The following NCAM2 variants were observed in gnomAD, a reference collection of about 807,000 sequenced individuals.
NCAM2 encodes neural cell adhesion molecule 2, also known as N-CAM-2.
In NCAM2, 30 loss-of-function variants were observed where a neutral mutation model predicts 98.1. That is an observed-to-expected ratio of 0.31 (90% CI 0.23 to 0.41). The LOEUF (loss-of-function observed/expected upper bound fraction) is 0.41, where lower values mean the gene tolerates loss of function less well. NCAM2 is among the 10% of genes least tolerant of loss of function. NCAM2 has a pLI of 1.00. For missense variants in NCAM2, 867 were observed against 1,005.8 expected, an observed-to-expected ratio of 0.86 and a Z score of 1.87; for synonymous variants, 368 against 342.4, an observed-to-expected ratio of 1.07 and a Z score of -0.83.
chr21:21,124,375 G>T lies in NCAM2; in HGVS notation c.55+125757G>T, dbSNP rs1261667577. Among the ~76,000 whole-genome samples, 3 of 152,060 alleles carry T rather than the reference G, an allele frequency of 2.0e-5. No individual in the cohort carries two copies. In the East Asian group the frequency reaches 5.8e-4, roughly 29 times the overall value. On this transcript the variant is annotated intron_variant, in intron 1 of 17. Coordinates refer to ENST00000400546, the MANE Select transcript of NCAM2 (RefSeq NM_004540.5). ...GCAATGATCACACAACTTGAGTTTT[G>T]CCTGTTTAACATAACAAAGAAATAT...
rs540591837 is a variant in NCAM2 at position 21,252,521 on chromosome 21, C to A, written c.56-28057C>A. Among the ~76,000 whole-genome samples the A allele has an allele frequency of 2.0e-5, 3 of 151,778 alleles. No homozygotes were observed. The South Asian group carries it at 6.2e-4, about 32-fold the overall frequency. On this transcript the variant is annotated intron_variant, in intron 1 of 17. Transcript: ENST00000400546. ...ATCAATTATAGAATATGCCAAAGCA[C>A]CTGAGAGCTACGAAAGAAAATTTTT...
intron 1 of NCAM2, among the ~76,000 whole-genome samples, chr21:21,178,676 T>C (rs2068373852): frequency 1.3e-5 from 2 of 152,142 alleles, no homozygotes; most frequent in Admixed American, 6.5e-5. Flanking sequence ...ATTAATAATA[T>C]ACCTTTACCT....
At chr21:21,238,123 T>C (rs544569698) in intron 1 of NCAM2, among the ~76,000 whole-genome samples, 4 of 151,934 alleles carry the variant, frequency 2.6e-5, no homozygotes, top group African/African-American at 9.6e-5. Context: ...GCCCGGCCAA[T>C]TTTTTGTATT....
intron 12 of NCAM2, among the ~76,000 whole-genome samples, chr21:21,458,942 A>G (rs749164840): frequency 4.0e-4 from 61 of 152,318 alleles, no homozygotes; most frequent in Non-Finnish European, 7.4e-4. Flanking sequence ...TTTGTCAGCC[A>G]TATACCTGAT....
intron 1 of NCAM2, among the ~76,000 whole-genome samples, chr21:21,197,252 C>T (rs533522901): frequency 9.7e-4 from 148 of 152,278 alleles, no homozygotes; most frequent in African/African-American, 3.3e-3. Context: ...GCTTCAGCCT[C>T]CTGAGTAGCT....
intron 15 of NCAM2, among the ~76,000 whole-genome samples, chr21:21,485,729 C>T (rs1447740511): frequency 6.6e-6 from 1 of 152,118 alleles, no homozygotes; most frequent in Non-Finnish European, 1.5e-5. Context: ...TACATATATG[C>T]ATAAAAGTGA....
chr21:21,230,604 C>A (rs748426654), intron 1 of NCAM2, among the ~76,000 whole-genome samples: 1 of 151,252 alleles, frequency 6.6e-6, no homozygotes, highest in Non-Finnish European at 1.5e-5. Context: ...TGAAAAATAT[C>A]AAGTCTGTCT....
intron 1 of NCAM2, among the ~76,000 whole-genome samples, chr21:21,171,065 T>G (rs2068109278): frequency 6.6e-6 from 1 of 152,218 alleles, no homozygotes; most frequent in Non-Finnish European, 1.5e-5. Context: ...GACAAGGGTG[T>G]GGTAATACAT....
At chr21:21,124,392 A>G (rs1666309355) in intron 1 of NCAM2, among the ~76,000 whole-genome samples, 2 of 152,194 alleles carry the variant, frequency 1.3e-5, no homozygotes, top group African/African-American at 4.8e-5. Context: ...TAACATAACA[A>G]AGAAATATCA....
At chr21:21,292,290 G>GT (rs751921520) in intron 5 of NCAM2, 49 bp downstream of exon 5, 25 of 1,561,540 alleles carry the variant, frequency 1.6e-5, no homozygotes, top group Admixed American at 1.5e-4. Context: ...TTTTAGCAAT[G>GT]TTTTTTATTA....
At chr21:21,451,057 A>C (rs1329360133) in intron 12 of NCAM2, among the ~76,000 whole-genome samples, 2 of 152,048 alleles carry the variant, frequency 1.3e-5, no homozygotes, top group African/African-American at 2.4e-5. Context: ...TTGGTACCCT[A>C]TAGGAACTAT....
chr21:21,390,987 C>G (rs1341822429), intron 9 of NCAM2, among the ~76,000 whole-genome samples: 1 of 152,064 alleles, frequency 6.6e-6, no homozygotes, highest in African/African-American at 2.4e-5. Flanking sequence ...TGTAAGTTGT[C>G]TTAAAGTTAT....
chr21:21,313,401 A>G (rs2074119535), intron 5 of NCAM2, among the ~76,000 whole-genome samples: 1 of 151,630 alleles, frequency 6.6e-6, no homozygotes, highest in African/African-American at 2.4e-5. Flanking sequence ...CACATGTAGG[A>G]TTGTCATATT....
chr21:21,235,240 A>AT (rs2070773677), intron 1 of NCAM2, among the ~76,000 whole-genome samples: 1 of 152,018 alleles, frequency 6.6e-6, no homozygotes, highest in Non-Finnish European at 1.5e-5. Flanking sequence ...AATCAATTCA[A>AT]TTTTTTATAA....
chr21:21,489,076 C>T (rs952407220), intron 15 of NCAM2, among the ~76,000 whole-genome samples: 13 of 152,072 alleles, frequency 8.5e-5, no homozygotes, highest in African/African-American at 9.7e-5. Flanking sequence ...CTGGCACCTC[C>T]GCCTCCTGTG....
At chr21:21,489,638 CA>C (rs1247300791) in intron 15 of NCAM2, among the ~76,000 whole-genome samples, 1 of 152,066 alleles carries the variant, frequency 6.6e-6, no homozygotes, top group African/African-American at 2.4e-5. Context: ...CTGCATATTT[CA>C]AATAACTGAA....
intron 1 of NCAM2, among the ~76,000 whole-genome samples, chr21:21,247,552 A>G (rs767859253): frequency 3.9e-5 from 6 of 152,206 alleles, no homozygotes; most frequent in South Asian, 2.1e-4. Context: ...TAGCTACCCT[A>G]TAATTTATGC....
At chr21:21,238,894 C>T (rs1360068610) in intron 1 of NCAM2, among the ~76,000 whole-genome samples, 2 of 152,090 alleles carry the variant, frequency 1.3e-5, no homozygotes, top group African/African-American at 2.4e-5. Flanking sequence ...AATCACATGG[C>T]GTAATCTTCT....
intron 1 of NCAM2, among the ~76,000 whole-genome samples, chr21:21,203,110 T>C (rs2069297067): frequency 1.3e-5 from 2 of 152,192 alleles, no homozygotes; most frequent in Non-Finnish European, 2.9e-5. Context: ...CTCTTTGATT[T>C]TATAGATTTA....
Sources: gnomAD v4.1 joint callset for allele counts (sites outside exome capture counted in the v4.1 genomes callset) on GRCh38, gnomAD v4.1.1 for gene constraint, MANE v1.5 for transcripts, NCBI Gene and HGNC (gene_info 2026-07-23, HGNC 2026-07-21) for gene names.